The following LYZL4 variants were observed in gnomAD, a reference collection of about 807,000 sequenced individuals.
LYZL4 encodes lysozyme-like protein 4.
LYZL4 carries 13 observed loss-of-function variants against 17.6 expected under a neutral mutation model. The observed-to-expected ratio is 0.74, with a 90% CI of 0.48 to 1.18. LYZL4 has a LOEUF of 1.18. LYZL4 is among the 50% of genes most tolerant of loss of function. The pLI is 0.00. For synonymous variants in LYZL4, 64 were observed against 67.7 expected, an observed-to-expected ratio of 0.95 and a Z score of 0.27; for missense variants, 174 against 188.2, an observed-to-expected ratio of 0.92 and a Z score of 0.44.
the LYZL4 span, among the ~76,000 whole-genome samples, chr3:42,376,814 C>CACCA: frequency 6.6e-6 from 1 of 152,202 alleles, no homozygotes; most frequent in Admixed American, 6.5e-5. Flanking sequence ...CCCCATGAGG[C>CACCA]ACCAGCAAAT....
the LYZL4 span, among the ~76,000 whole-genome samples, chr3:42,379,642 C>T: frequency 2.6e-5 from 4 of 152,200 alleles, no homozygotes; most frequent in Non-Finnish European, 5.9e-5. Context: ...CTCTCCTCTC[C>T]AGAACTCTGC....
intron 3 of LYZL4, 43 bp downstream of exon 3, chr3:42,406,803 A>G (rs1181222254): frequency 3.1e-6 from 5 of 1,608,900 alleles, no homozygotes; most frequent in Admixed American, 1.7e-5. Flanking sequence ...ACACAGCACC[A>G]TAGCCTCCAG....
the LYZL4 span, among the ~76,000 whole-genome samples, chr3:42,368,085 G>A: frequency 1.3e-5 from 2 of 151,460 alleles, no homozygotes; most frequent in Admixed American, 6.6e-5. Flanking sequence ...TAGCAAACGA[G>A]AGCCCACATT....
intron 4 of LYZL4, among the ~76,000 whole-genome samples, chr3:42,402,909 T>C (rs1466217837): frequency 6.6e-6 from 1 of 152,210 alleles, no homozygotes; most frequent in African/African-American, 2.4e-5. Flanking sequence ...AATGGAATAC[T>C]GTATAGCAAT....
At chr3:42,394,998 C>G (rs150623476), downstream of LYZL4, among the ~76,000 whole-genome samples, 26 of 152,322 alleles carry the variant, frequency 1.7e-4, no homozygotes, top group Non-Finnish European at 2.9e-4. Context: ...TTGATCAAAG[C>G]TTCACATTGA....
chr3:42,374,976 A>G, the LYZL4 span, among the ~76,000 whole-genome samples: 1 of 151,668 alleles, frequency 6.6e-6, no homozygotes, highest in South Asian at 2.1e-4. Context: ...TACCTAGCTA[A>G]TTTTTTGTAT....
chr3:42,386,519 C>CT, the LYZL4 span, among the ~76,000 whole-genome samples: 1 of 150,338 alleles, frequency 6.7e-6, no homozygotes, highest in Non-Finnish European at 1.5e-5. Flanking sequence ...CAAAGCCCCC[C>CT]TTTTTTTCCA....
At chr3:42,406,545 TC>T (rs1698756929) in intron 3 of LYZL4, among the ~76,000 whole-genome samples, 1 of 148,662 alleles carries the variant, frequency 6.7e-6, no homozygotes, top group South Asian at 2.2e-4. Flanking sequence ...TGCCCTCTGC[TC>T]CCGCCCTTCA....
intron 1 of LYZL4, 72 bp from the exon 2 acceptor site, chr3:42,407,415 A>G (rs767830294): frequency 1.9e-4 from 152 of 817,066 alleles, no homozygotes; most frequent in Non-Finnish European, 2.5e-4. Context: ...AAGCCATGAC[A>G]CTTCTTCCCA....
the LYZL4 span, among the ~76,000 whole-genome samples, chr3:42,365,979 T>A: frequency 2.6e-5 from 4 of 152,158 alleles, no homozygotes; most frequent in Non-Finnish European, 5.9e-5. Context: ...CAATTTCATA[T>A]CAACTGGGAA....
At chr3:42,376,110 T>C in the LYZL4 span, among the ~76,000 whole-genome samples, 1 of 152,150 alleles carries the variant, frequency 6.6e-6, no homozygotes, top group African/African-American at 2.4e-5. Context: ...CTCAAGGTTG[T>C]GGAAATGAAG....
the LYZL4 span, among the ~76,000 whole-genome samples, chr3:42,363,836 A>G: frequency 9.8e-5 from 15 of 152,352 alleles, 1 homozygote; most frequent in South Asian, 3.1e-3. Context: ...AAGCATTCGT[A>G]TGGTGCCATA....
chr3:42,395,196 T>A (rs1485898850), downstream of LYZL4, among the ~76,000 whole-genome samples: 1 of 152,236 alleles, frequency 6.6e-6, no homozygotes, highest in Non-Finnish European at 1.5e-5. Context: ...AGCCATTTCT[T>A]CCTTCTGAAA....
chr3:42,369,200 A>G, the LYZL4 span, among the ~76,000 whole-genome samples: 2 of 152,178 alleles, frequency 1.3e-5, no homozygotes, highest in African/African-American at 4.8e-5. Context: ...AAAGCCAACT[A>G]TATTTATCAG....
chr3:42,402,167 A>G (rs989718681), intron 4 of LYZL4, among the ~76,000 whole-genome samples: 10 of 149,890 alleles, frequency 6.7e-5, no homozygotes, highest in African/African-American at 2.4e-4. Context: ...AGAGCCAGGC[A>G]TGGTGACATG....
the LYZL4 span, among the ~76,000 whole-genome samples, chr3:42,385,617 C>G: frequency 6.6e-6 from 1 of 152,190 alleles, no homozygotes; most frequent in East Asian, 1.9e-4. Context: ...ATGCCATTCA[C>G]TCAGCACCAT....
the LYZL4 span, among the ~76,000 whole-genome samples, chr3:42,373,258 G>A: frequency 6.6e-6 from 1 of 152,104 alleles, no homozygotes; most frequent in African/African-American, 2.4e-5. Context: ...AAAGCTTGGA[G>A]CTGGTGCGGA....
intron 4 of LYZL4, among the ~76,000 whole-genome samples, chr3:42,403,575 C>G (rs1698697564): frequency 6.6e-6 from 1 of 152,082 alleles, no homozygotes; most frequent in Non-Finnish European, 1.5e-5. Context: ...CATGCCCAGC[C>G]AGTTATTCAC....
chr3:42,403,077 C>T (rs1337637477), intron 4 of LYZL4, among the ~76,000 whole-genome samples: 1 of 152,024 alleles, frequency 6.6e-6, no homozygotes, highest in African/African-American at 2.4e-5. Context: ...AATAAATATA[C>T]AAAAATCAGT....
Sources: gnomAD v4.1 joint callset for allele counts (sites outside exome capture counted in the v4.1 genomes callset) on GRCh38, gnomAD v4.1.1 for gene constraint, MANE v1.5 for transcripts, NCBI Gene and HGNC (gene_info 2026-07-23, HGNC 2026-07-21) for gene names.